Variants in UNC13C observed in about 807,000 individuals in gnomAD.
UNC13C encodes protein unc-13 homolog C.
In UNC13C, 174 loss-of-function variants were observed where a neutral mutation model predicts 245.4. The ratio of observed to expected loss-of-function variants is 0.71; its 90% confidence interval spans 0.63 to 0.80. UNC13C has a LOEUF of 0.80. Among genes scored for constraint, UNC13C ranks in the 30% least tolerant of loss-of-function variants. UNC13C has a pLI of 0.00. For synonymous variants in UNC13C, 992 were observed against 895.1 expected (o/e 1.11, Z -1.93); for missense variants, 2,829 against 2,602.9 (o/e 1.09, Z -1.89).
At chr15:53,952,627 G>C in the UNC13C span, among the ~76,000 whole-genome samples, 1 of 152,148 alleles carries the variant, frequency 6.6e-6, no homozygotes, top group Non-Finnish European at 1.5e-5. Context: ...CGTGGGCTGT[G>C]ATCTGGGCAT....
At chr15:54,078,757 C>T (rs915922397) in intron 2 of UNC13C, among the ~76,000 whole-genome samples, 1 of 151,460 alleles carries the variant, frequency 6.6e-6, no homozygotes, top group African/African-American at 2.4e-5. Flanking sequence ...CAAATACTTT[C>T]TCCTATTCTG....
intron 17 of UNC13C, among the ~76,000 whole-genome samples, chr15:54,355,741 T>TTA (rs1446944544): frequency 6.6e-6 from 1 of 152,150 alleles, no homozygotes; most frequent in East Asian, 1.9e-4. Context: ...AGATTTTTTT[T>TTA]TAAAGTATAA....
At chr15:53,949,164 CAAT>C in the UNC13C span, among the ~76,000 whole-genome samples, 1 of 152,084 alleles carries the variant, frequency 6.6e-6, no homozygotes, top group African/African-American at 2.4e-5. Context: ...AAGAACTTAC[CAAT>C]ATTTTAGGTT....
At chr15:54,352,100 A>G (rs972179058) in intron 17 of UNC13C, among the ~76,000 whole-genome samples, 3 of 151,746 alleles carry the variant, frequency 2.0e-5, no homozygotes, top group Non-Finnish European at 2.9e-5. Flanking sequence ...AAAGTTAAAT[A>G]TGAAATTTTA....
chr15:54,481,487 G>A (rs900008137), intron 19 of UNC13C, among the ~76,000 whole-genome samples: 21 of 152,270 alleles, frequency 1.4e-4, no homozygotes, highest in Non-Finnish European at 2.5e-4. Flanking sequence ...GAAGGTGTGT[G>A]TGTGTGTACC....
intron 2 of UNC13C, among the ~76,000 whole-genome samples, chr15:54,122,892 AT>A (rs1395321037): frequency 1.3e-5 from 2 of 152,176 alleles, no homozygotes; most frequent in African/African-American, 4.8e-5. Context: ...GTATTTGGGT[AT>A]TATTAATAAA....
At chr15:54,243,594 A>G (rs1232723425) in intron 7 of UNC13C, among the ~76,000 whole-genome samples, 2 of 95,532 alleles carry the variant, frequency 2.1e-5, no homozygotes, top group African/African-American at 7.4e-5. Context: ...ATTCCCACCA[A>G]CAGTGTAAAG....
intron 2 of UNC13C, chr15:54,049,640 A>G (rs528923603): frequency 3.0e-4 from 75 of 250,586 alleles, no homozygotes; most frequent in Non-Finnish European, 4.8e-4. Flanking sequence ...AACATGCCCA[A>G]TTCCACACAC....
At chr15:53,991,978 A>C (rs780806155) in intron 1 of UNC13C, among the ~76,000 whole-genome samples, 5 of 152,062 alleles carry the variant, frequency 3.3e-5, no homozygotes, top group Admixed American at 6.6e-5. Context: ...GTTTTCTGGC[A>C]TTATATAGTA....
At chr15:54,347,057 G>A (rs993643928) in intron 17 of UNC13C, among the ~76,000 whole-genome samples, 2 of 152,158 alleles carry the variant, frequency 1.3e-5, no homozygotes, top group African/African-American at 2.4e-5. Flanking sequence ...AGAGCAGGAT[G>A]AATTAGCTGG....
At chr15:54,343,929 C>G (rs1362301423) in intron 17 of UNC13C, among the ~76,000 whole-genome samples, 1 of 152,172 alleles carries the variant, frequency 6.6e-6, no homozygotes, top group Non-Finnish European at 1.5e-5. Context: ...TGATGGGATT[C>G]TTGCTGAAGG....
chr15:54,512,245 T>A, intron 24 of UNC13C: 1 of 433,020 alleles, frequency 2.3e-6, no homozygotes, highest in Non-Finnish European at 4.6e-6. Context: ...TACTGGAGTT[T>A]ATTTTTCACA....
chr15:54,550,502 G>A (rs944554403), intron 28 of UNC13C, among the ~76,000 whole-genome samples: 1 of 152,094 alleles, frequency 6.6e-6, no homozygotes, highest in African/African-American at 2.4e-5. Context: ...AAAGTTAGGT[G>A]CCATTGAGTA....
At chr15:54,127,101 T>C (rs1220642380) in intron 2 of UNC13C, among the ~76,000 whole-genome samples, 1 of 152,138 alleles carries the variant, frequency 6.6e-6, no homozygotes, top group Non-Finnish European at 1.5e-5. Flanking sequence ...TTTTACACTG[T>C]TGGTGGGAAA....
chr15:54,433,971 T>C (rs1380151335), intron 19 of UNC13C, among the ~76,000 whole-genome samples: 1 of 152,074 alleles, frequency 6.6e-6, no homozygotes, highest in Non-Finnish European at 1.5e-5. Flanking sequence ...ATGAGTGAAC[T>C]CCTATTCACA....
At chr15:54,190,798 C>A (rs2034157020) in intron 4 of UNC13C, among the ~76,000 whole-genome samples, 1 of 151,792 alleles carries the variant, frequency 6.6e-6, no homozygotes, top group African/African-American at 2.4e-5. Flanking sequence ...ATTGTTTGAA[C>A]CATTTACACT....
chr15:53,925,122 T>C, the UNC13C span, among the ~76,000 whole-genome samples: 1 of 152,218 alleles, frequency 6.6e-6, no homozygotes, highest in Non-Finnish European at 1.5e-5. Flanking sequence ...AAGGGGAATC[T>C]GTTTACATTA....
chr15:54,138,011 G>T (rs999173399), intron 2 of UNC13C, among the ~76,000 whole-genome samples: 43 of 151,894 alleles, frequency 2.8e-4, no homozygotes, highest in African/African-American at 9.9e-4. Flanking sequence ...TTGGTATATT[G>T]TGTTTCTATT....
At chr15:53,903,157 A>T in the UNC13C span, among the ~76,000 whole-genome samples, 2 of 152,248 alleles carry the variant, frequency 1.3e-5, no homozygotes, top group African/African-American at 4.8e-5. Flanking sequence ...TTATGGTGAC[A>T]TATAGATATT....
Sources: gnomAD v4.1 joint callset for allele counts (sites outside exome capture counted in the v4.1 genomes callset) on GRCh38, gnomAD v4.1.1 for gene constraint, MANE v1.5 for transcripts, NCBI Gene and HGNC (gene_info 2026-07-23, HGNC 2026-07-21) for gene names.